Variants in CCDC3 observed in about 807,000 individuals in gnomAD.
CCDC3 encodes coiled-coil domain-containing protein 3.
A neutral mutation model predicts 21.4 loss-of-function variants in CCDC3; 24 were observed. That is an observed-to-expected ratio of 1.12 (90% CI 0.81 to 1.58). CCDC3 has a LOEUF of 1.58. Among genes scored for constraint, CCDC3 ranks in the 40% most tolerant of loss-of-function variants. CCDC3 has a pLI of 0.00. For synonymous variants in CCDC3, 186 were observed against 166.0 expected, an observed-to-expected ratio of 1.12 and a Z score of -0.93; for missense variants, 425 against 360.9, an observed-to-expected ratio of 1.18 and a Z score of -1.44.
chr10:13,040,072 GC>G (rs750228831), intron 5 of CCDC3, among the ~76,000 whole-genome samples: 4 of 151,950 alleles, frequency 2.6e-5, no homozygotes, highest in Non-Finnish European at 4.4e-5. Flanking sequence ...TGATTCTCTG[GC>G]ACTAAAAGCC....
intron 5 of CCDC3, among the ~76,000 whole-genome samples, chr10:13,038,353 T>C: frequency 7.9e-6 from 1 of 127,216 alleles, no homozygotes; most frequent in Non-Finnish European, 1.6e-5. Context: ...ACATGTACCC[T>C]GGAACTTAAA....
At chr10:12,983,994 C>T (rs571948259) in intron 2 of CCDC3, among the ~76,000 whole-genome samples, 1 of 152,292 alleles carries the variant, frequency 6.6e-6, no homozygotes, top group African/African-American at 2.4e-5. Context: ...GTGGGAGAAT[C>T]ACCTGACCCC....
chr10:12,978,684 G>A (rs1328039867), intron 2 of CCDC3, among the ~76,000 whole-genome samples: 1 of 152,080 alleles, frequency 6.6e-6, no homozygotes, highest in African/African-American at 2.4e-5. Flanking sequence ...AGCAAACCTA[G>A]TCTGCAGACA....
intron 2 of CCDC3, among the ~76,000 whole-genome samples, chr10:12,985,189 A>C (rs767729655): frequency 6.6e-6 from 1 of 152,224 alleles, no homozygotes; most frequent in Non-Finnish European, 1.5e-5. Flanking sequence ...ATCGTATCTT[A>C]ACTTTTTAAA....
At chr10:13,053,678 A>G (rs1390532679) in intron 4 of CCDC3, among the ~76,000 whole-genome samples, 1 of 152,204 alleles carries the variant, frequency 6.6e-6, no homozygotes, top group Non-Finnish European at 1.5e-5. Flanking sequence ...CTTGGAGGGC[A>G]CATTTGTTTC....
At chr10:13,094,709 C>A (rs1200305849) in intron 3 of CCDC3, among the ~76,000 whole-genome samples, 2 of 151,632 alleles carry the variant, frequency 1.3e-5, no homozygotes, top group Non-Finnish European at 2.9e-5. Context: ...ACAAAAAATA[C>A]AAAAATTAGC....
chr10:12,937,190 ACTGGTT>A (rs1834753014), intron 2 of CCDC3, among the ~76,000 whole-genome samples: 1 of 151,658 alleles, frequency 6.6e-6, no homozygotes, highest in Non-Finnish European at 1.5e-5. Flanking sequence ...CTACCCTGAT[ACTGGTT>A]CCCACAGGCG....
intron 3 of CCDC3, among the ~76,000 whole-genome samples, chr10:13,097,206 T>G (rs567840283): frequency 1.4e-4 from 22 of 152,132 alleles, no homozygotes; most frequent in Admixed American, 1.4e-3. Context: ...ATGCTATTAT[T>G]TCAGTTTTTT....
At chr10:13,060,788 G>A (rs539484291) in intron 4 of CCDC3, among the ~76,000 whole-genome samples, 6 of 152,254 alleles carry the variant, frequency 3.9e-5, no homozygotes, top group Admixed American at 6.5e-5. Flanking sequence ...TTACAGGTGT[G>A]AGCCACCACA....
At chr10:13,024,804 T>G (rs1836194449) in intron 5 of CCDC3, among the ~76,000 whole-genome samples, 2 of 152,318 alleles carry the variant, frequency 1.3e-5, no homozygotes, top group Middle Eastern at 3.4e-3. Context: ...ATGTTTTCTA[T>G]TTCCCATATT....
At chr10:13,099,540 CCCT>C (rs1832690844) in exon 1 of CCDC3, 1 of 151,416 alleles carries the variant, frequency 6.6e-6, no homozygotes, top group African/African-American at 2.4e-5. Context: ...GGGGCAGCTT[CCCT>C]CCTCCACACC....
At chr10:12,932,950 T>C (rs1834672663) in intron 2 of CCDC3, among the ~76,000 whole-genome samples, 1 of 152,252 alleles carries the variant, frequency 6.6e-6, no homozygotes, top group East Asian at 1.9e-4. Flanking sequence ...CTTGTCATGA[T>C]GAATTGCATT....
At chr10:13,058,052 C>T in intron 4 of CCDC3, 2 of 748,778 alleles carry the variant, frequency 2.7e-6, no homozygotes, top group Non-Finnish European at 4.9e-6. Context: ...CATTAAGTAG[C>T]ACATGTAATC....
intron 3 of CCDC3, among the ~76,000 whole-genome samples, chr10:13,075,737 G>C (rs1836956024): frequency 6.6e-6 from 1 of 152,052 alleles, no homozygotes; most frequent in Admixed American, 6.6e-5. Flanking sequence ...CAGTGCAATG[G>C]TTAATTTTAT....
At chr10:12,948,773 C>T (rs1834964034) in intron 2 of CCDC3, among the ~76,000 whole-genome samples, 1 of 93,318 alleles carries the variant, frequency 1.1e-5, no homozygotes, top group Admixed American at 1.8e-4. Flanking sequence ...TGCTCTTTTG[C>T]CCAGGCTGGA....
chr10:12,947,342 T>G (rs559913930), intron 2 of CCDC3, among the ~76,000 whole-genome samples: 1 of 152,098 alleles, frequency 6.6e-6, no homozygotes, highest in South Asian at 2.1e-4. Flanking sequence ...GAGACATGGT[T>G]TCACCATGTT....
intron 2 of CCDC3, among the ~76,000 whole-genome samples, chr10:12,923,621 T>C (rs1478068018): frequency 6.6e-6 from 1 of 152,180 alleles, no homozygotes; most frequent in East Asian, 1.9e-4. Flanking sequence ...TGTGATATGA[T>C]ACCTCGATGG....
intron 3 of CCDC3, among the ~76,000 whole-genome samples, chr10:13,087,939 T>C (rs1837131993): frequency 6.6e-6 from 1 of 152,202 alleles, no homozygotes; most frequent in Non-Finnish European, 1.5e-5. Context: ...CATTGCAAGC[T>C]GAGGATCTGT....
intron 5 of CCDC3, among the ~76,000 whole-genome samples, chr10:13,033,116 T>G (rs570294907): frequency 2.0e-5 from 3 of 151,936 alleles, no homozygotes; most frequent in African/African-American, 4.8e-5. Context: ...GTAACCAAAA[T>G]AGCATGGTAC....
Sources: gnomAD v4.1 joint callset for allele counts (sites outside exome capture counted in the v4.1 genomes callset) on GRCh38, gnomAD v4.1.1 for gene constraint, MANE v1.5 for transcripts, NCBI Gene and HGNC (gene_info 2026-07-23, HGNC 2026-07-21) for gene names.